Variants in SPMAP2L observed in about 807,000 individuals in gnomAD.
The protein encoded by SPMAP2L is sperm microtubule associated protein 2-like.
the SPMAP2L span, among the ~76,000 whole-genome samples, chr4:56,619,033 C>G: frequency 6.6e-6 from 1 of 152,134 alleles, no homozygotes; most frequent in African/African-American, 2.4e-5. Flanking sequence ...TCTTTGCTTT[C>G]CCCTGGTCCT....
the SPMAP2L span, among the ~76,000 whole-genome samples, chr4:56,615,866 T>G: frequency 6.6e-6 from 1 of 152,158 alleles, no homozygotes; most frequent in South Asian, 2.1e-4. Context: ...AAGGTGAGGC[T>G]CATTTCAAAA....
chr4:56,530,725 G>A, the SPMAP2L span: 1 of 1,535,354 alleles, frequency 6.5e-7, no homozygotes, highest in Non-Finnish European at 8.7e-7. Flanking sequence ...CGAGGTGACC[G>A]ATGGGCAGGT....
the SPMAP2L span, among the ~76,000 whole-genome samples, chr4:56,560,860 C>G: frequency 2.0e-5 from 3 of 152,070 alleles, no homozygotes; most frequent in Admixed American, 2.0e-4. Flanking sequence ...ATTCTCTTGC[C>G]TCAGCCTCCC....
chr4:56,545,938 G>A, the SPMAP2L span, among the ~76,000 whole-genome samples: 2 of 151,836 alleles, frequency 1.3e-5, no homozygotes, highest in East Asian at 1.9e-4. Context: ...GATTACAGAC[G>A]CCCGCCACCA....
At chr4:56,542,983 A>T in the SPMAP2L span, among the ~76,000 whole-genome samples, 1 of 152,122 alleles carries the variant, frequency 6.6e-6, no homozygotes, top group East Asian at 1.9e-4. Context: ...AGCCATCAGA[A>T]CCCATTCATG....
the SPMAP2L span, chr4:56,595,510 C>G: frequency 6.5e-7 from 1 of 1,533,840 alleles, no homozygotes; most frequent in Non-Finnish European, 9.0e-7. Context: ...TCCACACTCC[C>G]TGACCTGCGT....
At chr4:56,604,875 C>T in the SPMAP2L span, among the ~76,000 whole-genome samples, 30,508 of 151,974 alleles carry the variant, frequency 0.2, 3,517 homozygotes, top group East Asian at 0.41. Flanking sequence ...AGTTGGAGGC[C>T]ATTATTCTAA....
chr4:56,615,918 C>T, the SPMAP2L span, among the ~76,000 whole-genome samples: 10 of 152,134 alleles, frequency 6.6e-5, no homozygotes, highest in Non-Finnish European at 1.2e-4. Flanking sequence ...AACCGCCACT[C>T]GGATGGGTGC....
At chr4:56,604,112 T>C in the SPMAP2L span, among the ~76,000 whole-genome samples, 7 of 152,218 alleles carry the variant, frequency 4.6e-5, no homozygotes, top group Admixed American at 3.9e-4. Flanking sequence ...GAATGAGTTC[T>C]ACCTTTAACG....
chr4:56,553,839 C>T, the SPMAP2L span, among the ~76,000 whole-genome samples: 1 of 152,042 alleles, frequency 6.6e-6, no homozygotes, highest in Non-Finnish European at 1.5e-5. Context: ...CATTTCTTTT[C>T]CTCTTTCCTC....
the SPMAP2L span, among the ~76,000 whole-genome samples, chr4:56,557,328 GA>G: frequency 6.6e-6 from 1 of 151,792 alleles, no homozygotes; most frequent in Non-Finnish European, 1.5e-5. Context: ...GCTGCTAGAA[GA>G]GAACCAGGAA....
the SPMAP2L span, among the ~76,000 whole-genome samples, chr4:56,531,827 T>A: frequency 6.6e-6 from 1 of 152,220 alleles, no homozygotes; most frequent in African/African-American, 2.4e-5. Flanking sequence ...TTTGTCCTCA[T>A]TGGACCGCCA....
the SPMAP2L span, among the ~76,000 whole-genome samples, chr4:56,579,561 G>T: frequency 6.6e-6 from 1 of 152,208 alleles, no homozygotes; most frequent in Admixed American, 6.5e-5. Context: ...TTTGAGGCTA[G>T]GAGTTTGAGA....
the SPMAP2L span, chr4:56,596,626 C>A: frequency 1.3e-6 from 2 of 1,515,540 alleles, no homozygotes; most frequent in East Asian, 2.5e-5. Flanking sequence ...ACTGCCCATC[C>A]GTCCTGTAAG....
chr4:56,541,329 TTAAAA>T, the SPMAP2L span, among the ~76,000 whole-genome samples: 5 of 152,132 alleles, frequency 3.3e-5, no homozygotes, highest in Non-Finnish European at 7.4e-5. Flanking sequence ...AAGTAACATA[TTAAAA>T]TAAATGGTAT....
At chr4:56,553,401 C>G in the SPMAP2L span, among the ~76,000 whole-genome samples, 1 of 151,496 alleles carries the variant, frequency 6.6e-6, no homozygotes, top group Middle Eastern at 3.4e-3. Flanking sequence ...CTATGTTTCC[C>G]AGGCTGGCCT....
the SPMAP2L span, among the ~76,000 whole-genome samples, chr4:56,539,827 C>A: frequency 6.6e-6 from 1 of 152,216 alleles, no homozygotes; most frequent in South Asian, 2.1e-4. Flanking sequence ...TAGGCACCCT[C>A]TCCTTCTGCC....
At chr4:56,532,282 C>G in the SPMAP2L span, among the ~76,000 whole-genome samples, 2 of 152,012 alleles carry the variant, frequency 1.3e-5, no homozygotes, top group Non-Finnish European at 2.9e-5. Flanking sequence ...TCATGAAATC[C>G]CTTATTTTCT....
chr4:56,625,156 C>T, the SPMAP2L span, among the ~76,000 whole-genome samples: 3 of 152,258 alleles, frequency 2.0e-5, no homozygotes, highest in East Asian at 3.9e-4. Flanking sequence ...TTTGACTGCC[C>T]TGCTGGGTTT....
Sources: allele counts gnomAD v4.1 joint callset (sites outside exome capture counted in the v4.1 genomes callset), GRCh38; gene constraint gnomAD v4.1.1; transcripts MANE v1.5; gene names NCBI Gene and HGNC (gene_info 2026-07-23, HGNC 2026-07-21).